GPATCH8: variants seen among roughly 807,000 people sequenced by gnomAD.
The protein encoded by GPATCH8 is G-patch domain containing 8.
GPATCH8 carries 18 observed loss-of-function variants against 118.3 expected under a neutral mutation model. The observed-to-expected ratio is 0.15, with a 90% confidence interval of 0.11 to 0.23. The LOEUF (loss-of-function observed/expected upper bound fraction) is 0.23. Among genes scored for constraint, GPATCH8 ranks in the 10% least tolerant of loss-of-function variants. GPATCH8 has a pLI of 1.00. For missense variants in GPATCH8, 1,631 were observed against 1,873.8 expected (o/e 0.87, Z 2.39); for synonymous variants, 659 against 684.7 (o/e 0.96, Z 0.59).
chr17:44,400,640 T>G lies in GPATCH8; in HGVS notation c.1437A>C (p.Lys479Asn), dbSNP rs1316774529. The stretch of plus-strand genomic sequence containing the variant: ...CTCCTAAGGCCTTCTTTGCCTCAGC[T>G]TTGCTTCCTGGTTCTGAGGGCTCGG... ...SMTEPSEPGS[K>N]AEAKKALGGD... Residue 479 changes from lysine to asparagine, a missense_variant, in exon 8 of 8, where the codon AAA (lysine) becomes AAC (asparagine). Physicochemically the swap from Lys to Asn is moderately conservative, Grantham distance 94 (BLOSUM62 0). Transcript: ENST00000591680. The G allele has an allele frequency of 1.2e-6, 2 of 1,613,680 alleles. No homozygotes were observed. Among genetic ancestry groups the G allele is most frequent in the Non-Finnish European group, 1.7e-6 (2 of 1,179,746 alleles).
intron 6 of GPATCH8, among the ~76,000 whole-genome samples, chr17:44,411,849 T>C (rs1025935837): frequency 2.0e-5 from 3 of 152,204 alleles, no homozygotes; most frequent in African/African-American, 4.8e-5. Flanking sequence ...TCTCAACACT[T>C]TGGGAGGCTG....
Position 44,400,061 on chromosome 17 carries a change from G to A in GPATCH8, c.2016C>T (p.Ser672=). 1.2e-6 allele frequency: 2 copies of A among 1,613,728 alleles called. No individual in the cohort carries two copies. Among genetic ancestry groups the A allele is most frequent in the South Asian group, 1.1e-5 (1 of 91,064 alleles). Residue 672 remains serine, a synonymous_variant, in exon 8 of 8, where the codon TCC becomes TCT. Transcript: ENST00000591680. ...GCTTCTTTTTCTTTTTGTGCCGGTG[G>A]GACTTCCCAGATCGTTCTTTCTTGC... ...LPSKKERSGK[S]HRHKKKKKHK... is the part of the protein sequence containing the mutation.
intron 3 of GPATCH8, among the ~76,000 whole-genome samples, chr17:44,460,862 T>C (rs1044884448): frequency 6.6e-6 from 1 of 152,150 alleles, no homozygotes; most frequent in Non-Finnish European, 1.5e-5. Context: ...CAATATGCAA[T>C]AAATGTGGAT....
At chr17:44,406,913 ATATC>A (rs2049254384) in intron 6 of GPATCH8, among the ~76,000 whole-genome samples, 1 of 152,246 alleles carries the variant, frequency 6.6e-6, no homozygotes, top group Non-Finnish European at 1.5e-5. Flanking sequence ...GAACCCAGAC[ATATC>A]TATCTGCAAT....
chr17:44,396,580 G>T lies in GPATCH8; in HGVS notation c.*988C>A. Reference sequence around the variant, plus strand: ...GCAGAAAACAAATATTTTATTTTTTGTTTTCATTTTATAACCTTTAGAGTT... The same window carrying T: ...GCAGAAAACAAATATTTTATTTTTTTTTTTCATTTTATAACCTTTAGAGTT... On this transcript the variant is annotated 3_prime_UTR_variant, in exon 8 of 8. Coordinates refer to ENST00000591680, the MANE Select transcript of GPATCH8 (RefSeq NM_001002909.4). The T allele has an allele frequency of 4.6e-6, 2 of 434,762 alleles. No individual in the cohort carries two copies. Among genetic ancestry groups the T allele is most frequent in the Non-Finnish European group, 9.0e-6 (2 of 221,058 alleles). The allele number at this position is 434,762 out of a possible 1,614,324, so 26.9% of individuals were successfully genotyped here.
At chr17:44,494,667 A>G (rs1248026840) in intron 1 of GPATCH8, among the ~76,000 whole-genome samples, 3 of 152,168 alleles carry the variant, frequency 2.0e-5, no homozygotes, top group African/African-American at 7.2e-5. Flanking sequence ...CTTTGCTCCT[A>G]TTCACATTAA....
chr17:44,422,905 C>T (rs2049962867), intron 6 of GPATCH8, among the ~76,000 whole-genome samples: 1 of 152,100 alleles, frequency 6.6e-6, no homozygotes, highest in Admixed American at 6.6e-5. Context: ...ACTGCCAATA[C>T]AGCTTGTCTA....
At chr17:44,484,635 T>C (rs1968629981) in intron 1 of GPATCH8, among the ~76,000 whole-genome samples, 1 of 152,198 alleles carries the variant, frequency 6.6e-6, no homozygotes, top group South Asian at 2.1e-4. Context: ...CTTCCTCTAA[T>C]GGTCTTTTTC....
At chr17:44,500,948 C>T (rs1970013393) in intron 1 of GPATCH8, among the ~76,000 whole-genome samples, 1 of 152,188 alleles carries the variant, frequency 6.6e-6, no homozygotes, top group Non-Finnish European at 1.5e-5. Flanking sequence ...AAATGAAAGT[C>T]AATCTGTATT....
intron 6 of GPATCH8, among the ~76,000 whole-genome samples, chr17:44,406,577 C>G (rs892956366): frequency 1.5e-5 from 2 of 134,898 alleles, no homozygotes; most frequent in Non-Finnish European, 3.1e-5. Context: ...TTTTTTCTTT[C>G]AGCATGAGTA....
intron 1 of GPATCH8, among the ~76,000 whole-genome samples, chr17:44,483,008 T>G (rs1436324261): frequency 2.7e-5 from 4 of 146,782 alleles, no homozygotes; most frequent in Admixed American, 1.4e-4. Flanking sequence ...TACAAAAAAT[T>G]AGCCAGGCAT....
intron 3 of GPATCH8, among the ~76,000 whole-genome samples, chr17:44,449,232 G>A (rs755460398): frequency 3.3e-5 from 5 of 152,068 alleles, no homozygotes; most frequent in Admixed American, 6.6e-5. Context: ...AGCCGAGATC[G>A]CACCACTGCA....
In GPATCH8 at chr17:44,399,573, T is replaced by C. The variant is rs1264324281; in HGVS notation, c.2504A>G (p.Gln835Arg). 9 of 1,614,172 alleles carry C rather than the reference T, an allele frequency of 5.6e-6. No homozygotes were observed. Among genetic ancestry groups the C allele is most frequent in the South Asian group, 1.1e-5 (1 of 91,082 alleles). ...TTCCTCTTCTTCTTCCTCACTGTAC[T>C]GGGATGGAGACTTCTGGTGCAGCCG... Reference protein sequence around the residue: ...SHRLHQKSPSQYSEEEEEEDS... With the variant: ...SHRLHQKSPSRYSEEEEEEDS... Residue 835 changes from glutamine to arginine, a missense_variant, in exon 8 of 8, where the codon CAG (glutamine) becomes CGG (arginine). Transcript: ENST00000591680.
intron 6 of GPATCH8, 142 bp from the exon 7 acceptor site, chr17:44,406,193 T>A: frequency 1.5e-6 from 1 of 686,674 alleles, no homozygotes; most frequent in South Asian, 1.6e-5. Context: ...CTTATGGCAA[T>A]TGAAAACACA....
At chr17:44,453,505 G>GTGTGTGTGTGTGTGTGTGTGTT (rs2051204594) in intron 3 of GPATCH8, among the ~76,000 whole-genome samples, 1 of 149,320 alleles carries the variant, frequency 6.7e-6, no homozygotes, top group Non-Finnish European at 1.5e-5. Flanking sequence ...GTAGGGGTGT[G>GTGTGTGTGTGTGTGTGTGTGTT]TGTGTGTGTG....
At chr17:44,494,945 T>C (rs1205630257) in intron 1 of GPATCH8, among the ~76,000 whole-genome samples, 4 of 152,226 alleles carry the variant, frequency 2.6e-5, no homozygotes, top group African/African-American at 9.6e-5. Context: ...TTCTTTACTT[T>C]TGTCCTGGCT....
In GPATCH8 at chr17:44,405,544, G is replaced by A. The variant is rs7208891; in HGVS notation, c.623+377C>T. On this transcript the variant is annotated intron_variant, in intron 7 of 7. Coordinates refer to ENST00000591680, the MANE Select transcript of GPATCH8 (RefSeq NM_001002909.4). ...TTTTGAGACAGAGTCTTGCTCTGTC[G>A]CCCAGGCTGGAGTACAGTGGTGCGA... Among the ~76,000 whole-genome samples the A allele has an allele frequency of 4.8e-3, 707 of 148,464 alleles. 5 individuals carry two copies. The highest frequency in any genetic ancestry group is 0.017 in the African/African-American group (673 of 39,946).
intron 6 of GPATCH8, among the ~76,000 whole-genome samples, chr17:44,415,568 G>C (rs1246933144): frequency 1.3e-5 from 2 of 152,116 alleles, no homozygotes; most frequent in Non-Finnish European, 2.9e-5. Context: ...AGATATCTGG[G>C]GACAAAGATT....
At chr17:44,489,062 AAAAAACAAAAAC>A (rs1024552994) in intron 1 of GPATCH8, among the ~76,000 whole-genome samples, 22 of 152,062 alleles carry the variant, frequency 1.4e-4, no homozygotes, top group South Asian at 6.2e-4. Context: ...CCCATCTCAA[AAAAAACAAAAAC>A]AAAAACAAAC....
Sources: gnomAD v4.1 joint callset for allele counts (sites outside exome capture counted in the v4.1 genomes callset) on GRCh38, gnomAD v4.1.1 for gene constraint, MANE v1.5 for transcripts, NCBI Gene and HGNC (gene_info 2026-07-23, HGNC 2026-07-21) for gene names.